Variants in FAM78A observed in about 807,000 individuals in gnomAD.
FAM78A encodes protein FAM78A.
In FAM78A, 12 loss-of-function variants were observed where a neutral mutation model predicts 22.6. That is an observed-to-expected ratio of 0.53 (90% CI 0.34 to 0.86). FAM78A has a LOEUF of 0.86. Ranked by LOEUF, FAM78A falls within the 40% of genes least tolerant of loss-of-function variation. FAM78A has a pLI of 0.02. For synonymous variants in FAM78A, 151 were observed against 155.8 expected, an observed-to-expected ratio of 0.97 and a Z score of 0.23; for missense variants, 322 against 396.1, an observed-to-expected ratio of 0.81 and a Z score of 1.59.
chr9:131,273,419 G>A lies in FAM78A; in HGVS notation c.323+2438C>T, dbSNP rs143035574. ...ATTGCACAGCCAGTGCACCCAGGGA[G>A]AATGAGCTGGGTGGGACACAGAGGC... On this transcript the variant is annotated intron_variant, in intron 1 of 1. Transcript: ENST00000372271. Among the ~76,000 whole-genome samples, 669 of 152,376 alleles carry A rather than the reference G, an allele frequency of 4.4e-3. 8 individuals are homozygous for A. Among genetic ancestry groups the A allele is most frequent in the African/African-American group, 0.015 (623 of 41,588 alleles).
chr9:131,260,870 C>A lies in FAM78A; in HGVS notation c.804G>T (p.Arg268=). Residue 268 remains arginine, a synonymous_variant, in exon 2 of 2, where the codon CGG becomes CGT. Coordinates refer to ENST00000372271, the MANE Select transcript of FAM78A (RefSeq NM_033387.4). The surrounding 1 kb of genome is among the most constrained non-coding windows in gnomAD (Gnocchi z 5.4). Reference sequence around the variant, plus strand: ...CCACCAGCGGCTGCCCGTACTTGGGCCGCCACATGAGGACCTGGGCATCGT... The same window carrying A: ...CCACCAGCGGCTGCCCGTACTTGGGACGCCACATGAGGACCTGGGCATCGT... ...NANDAQVLMW[R]PKYGQPLVVI... The A allele has an allele frequency of 6.5e-7, 1 of 1,531,908 alleles. No individual in the cohort carries two copies. The allele number at this position is 1,531,908 out of a possible 1,614,324, so 94.9% of individuals were successfully genotyped here. A position where few individuals can be genotyped will look rare whatever the true frequency, so the allele number is the denominator to read the frequency against.
At chr9:131,268,221 GA>G (rs1380506779) in intron 1 of FAM78A, among the ~76,000 whole-genome samples, 1 of 152,168 alleles carries the variant, frequency 6.6e-6, no homozygotes, top group Non-Finnish European at 1.5e-5. Flanking sequence ...AAAATTTGCA[GA>G]AAGTACTCAT....
rs1835268716 is a variant in FAM78A, at chr9:131,261,467, C to T, written c.324-117G>A. 4 of 975,338 alleles carry T rather than the reference C, an allele frequency of 4.1e-6. No individual in the cohort carries two copies. The South Asian group carries it at 5.3e-5, about 13-fold the overall frequency. 60.4% of individuals were successfully genotyped at this position (975,338 alleles called of 1,614,324 possible). On this transcript the variant is annotated intron_variant, in intron 1 of 1. Coordinates refer to ENST00000372271, the MANE Select transcript of FAM78A (RefSeq NM_033387.4). The surrounding 1 kb of genome is among the most constrained non-coding windows in gnomAD (Gnocchi z 7.1). Reference sequence around the variant, plus strand: ...AGGATGGAACGGACCCAGCAGACCACCCGGTCCCCTTTGACGTTCTGGGGG... The same window carrying T: ...AGGATGGAACGGACCCAGCAGACCATCCGGTCCCCTTTGACGTTCTGGGGG...
At chr9:131,264,600 C>A (rs1379294914) in intron 1 of FAM78A, 1 of 717,360 alleles carries the variant, frequency 1.4e-6, no homozygotes, top group Admixed American at 2.0e-5. Flanking sequence ...GTGCAGCCAA[C>A]AGCAGTCAGT....
chr9:131,275,323 G>A lies in FAM78A; in HGVS notation c.323+534C>T, dbSNP rs1835468635. Among the ~76,000 whole-genome samples, 1 of 152,246 alleles carries A rather than the reference G, an allele frequency of 6.6e-6. No homozygotes were observed. The highest frequency in any genetic ancestry group is 1.5e-5 in the Non-Finnish European group (1 of 68,044). Reference sequence around the variant, plus strand: ...TAACTGTGCTCTCAAACACAGTGCCGTTTGGAACGGGGAAGCACTCCCCCA... The same window carrying A: ...TAACTGTGCTCTCAAACACAGTGCCATTTGGAACGGGGAAGCACTCCCCCA... On this transcript the variant is annotated intron_variant, in intron 1 of 1. Coordinates refer to ENST00000372271, the MANE Select transcript of FAM78A (RefSeq NM_033387.4). The surrounding 1 kb of genome is among the most constrained non-coding windows in gnomAD (Gnocchi z 4.6).
At chr9:131,270,487 T>C in intron 1 of FAM78A, 1 of 716,604 alleles carries the variant, frequency 1.4e-6, no homozygotes, top group East Asian at 2.7e-5. Context: ...TTTCCAGTGC[T>C]TGGAAGGTGG....
rs906835175 is a variant in FAM78A at position 131,275,117 on chromosome 9, C to T, written c.323+740G>A. On this transcript the variant is annotated intron_variant, in intron 1 of 1. Transcript: ENST00000372271. The surrounding 1 kb of genome is among the most constrained non-coding windows in gnomAD (Gnocchi z 4.6). The stretch of plus-strand genomic sequence containing the variant: ...AGCCCCAGGGTCCCAGGGTCCTCAC[C>T]GGGACCCCCAATACCCTAGGCACAC... Among the ~76,000 whole-genome samples the T allele has an allele frequency of 6.6e-6, 1 of 152,160 alleles. No individual in the cohort carries two copies. The highest frequency in any genetic ancestry group is 2.4e-5 in the African/African-American group (1 of 41,440).
At chr9:131,280,452 A>G (rs1835530903), upstream of FAM78A, among the ~76,000 whole-genome samples, 1 of 152,146 alleles carries the variant, frequency 6.6e-6, no homozygotes, top group African/African-American at 2.4e-5. Context: ...CATCTGTTTG[A>G]GTCATTGCCC....
At chr9:131,279,466 C>G (rs920661601), upstream of FAM78A, among the ~76,000 whole-genome samples, 2 of 152,148 alleles carry the variant, frequency 1.3e-5, no homozygotes, top group African/African-American at 2.4e-5. Context: ...TTTCATTTCC[C>G]GACTCTCATC....
rs1835464526 is a variant in FAM78A at position 131,274,919 on chromosome 9, C to T, written c.323+938G>A. Among the ~76,000 whole-genome samples, 1 of 152,228 alleles carries T rather than the reference C, an allele frequency of 6.6e-6. No individual in the cohort carries two copies. The highest frequency in any genetic ancestry group is 1.5e-5 in the Non-Finnish European group (1 of 68,034). Reference sequence around the variant, plus strand: ...GGGGCCGCATGGGTGGGCTGCCCGCCGGGGCCTGCCTAGCTCTCTCCAAAG... The same window carrying T: ...GGGGCCGCATGGGTGGGCTGCCCGCTGGGGCCTGCCTAGCTCTCTCCAAAG... On this transcript the variant is annotated intron_variant, in intron 1 of 1. Transcript: ENST00000372271. The surrounding 1 kb of genome is among the most constrained non-coding windows in gnomAD (Gnocchi z 4.2).
In FAM78A at chr9:131,276,302, G is replaced by A; in HGVS notation, c.-123C>T. The A allele has an allele frequency of 1.4e-6, 1 of 735,536 alleles. No individual in the cohort carries two copies. Among genetic ancestry groups the A allele is most frequent in the South Asian group, 2.1e-5 (1 of 48,626 alleles). The allele number at this position is 735,536 out of a possible 1,614,324, so 45.6% of individuals were successfully genotyped here. A position where few individuals can be genotyped will look rare whatever the true frequency, so the allele number is the denominator to read the frequency against. ...GACTGGGGTTGCATATATCACTACCGCGGCCTGTTTATAAATAAGGATTCT... is the reference window on the plus strand; with the variant it reads ...GACTGGGGTTGCATATATCACTACCACGGCCTGTTTATAAATAAGGATTCT... On this transcript the variant is annotated 5_prime_UTR_variant, in exon 1 of 2. Coordinates refer to ENST00000372271, the MANE Select transcript of FAM78A (RefSeq NM_033387.4). This position sits in a 1 kb window ranked among gnomAD's most constrained non-coding sequence, Gnocchi z 4.3.
Position 131,265,120 on chromosome 9 carries a change from T to C in FAM78A, c.324-3770A>G, listed in dbSNP as rs1276059428. Among the ~76,000 whole-genome samples, 1 of 152,254 alleles carries C rather than the reference T, an allele frequency of 6.6e-6. No individual in the cohort carries two copies. The highest frequency in any genetic ancestry group is 6.5e-5 in the Admixed American group (1 of 15,280). On this transcript the variant is annotated intron_variant, in intron 1 of 1. Coordinates refer to ENST00000372271, the MANE Select transcript of FAM78A (RefSeq NM_033387.4). This position sits in a 1 kb window ranked among gnomAD's most constrained non-coding sequence, Gnocchi z 4.3. ...ACCATTCTTTTGATTACAGATTTTA[T>C]TGGTATTTTTCTTCTGTTTCTTCTT...
rs1835239280 is a variant in FAM78A, at chr9:131,259,875, G to C, written c.*947C>G. On this transcript the variant is annotated 3_prime_UTR_variant, in exon 2 of 2. Transcript: ENST00000372271. Reference sequence around the variant, plus strand: ...AGGGACTCAACTGGGGGTGGGTCCTGAGGACTGAGAGGGTGAAAATTCCCT... The same window carrying C: ...AGGGACTCAACTGGGGGTGGGTCCTCAGGACTGAGAGGGTGAAAATTCCCT... 1 of 152,740 alleles carries C rather than the reference G, an allele frequency of 6.5e-6. No individual in the cohort carries two copies. 9.5% of individuals were successfully genotyped at this position (152,740 alleles called of 1,614,324 possible).
chr9:131,263,030 A>G (rs1319910314), intron 1 of FAM78A, among the ~76,000 whole-genome samples: 1 of 152,172 alleles, frequency 6.6e-6, no homozygotes, highest in Admixed American at 6.5e-5. Flanking sequence ...ACCTGAGGTC[A>G]GGAGTTCCAG....
intron 1 of FAM78A, chr9:131,270,567 C>A (rs910559105): frequency 4.5e-5 from 32 of 712,724 alleles, no homozygotes; most frequent in African/African-American, 3.3e-4. Flanking sequence ...GGTCATCCCC[C>A]CTACTTCCTC....
upstream of FAM78A, among the ~76,000 whole-genome samples, chr9:131,277,013 G>A (rs1588201900): frequency 6.7e-6 from 1 of 149,944 alleles, no homozygotes; most frequent in East Asian, 1.9e-4. The surrounding 1 kb of genome is among the most constrained non-coding windows in gnomAD (Gnocchi z 8.4). Context: ...GCTGCGGGGG[G>A]CGCGCGGGGG....
rs895713821 is a variant in FAM78A, at chr9:131,274,930, T to C, written c.323+927A>G. Among the ~76,000 whole-genome samples the C allele has an allele frequency of 6.6e-6, 1 of 152,210 alleles. No individual in the cohort carries two copies. The highest frequency in any genetic ancestry group is 1.5e-5 in the Non-Finnish European group (1 of 68,024). On this transcript the variant is annotated intron_variant, in intron 1 of 1. Coordinates refer to ENST00000372271, the MANE Select transcript of FAM78A (RefSeq NM_033387.4). The surrounding 1 kb of genome is among the most constrained non-coding windows in gnomAD (Gnocchi z 4.2). ...GGTGGGCTGCCCGCCGGGGCCTGCC[T>C]AGCTCTCTCCAAAGGGTCCTTACGC...
upstream of FAM78A, among the ~76,000 whole-genome samples, chr9:131,280,289 C>T (rs568750411): frequency 1.6e-4 from 25 of 151,980 alleles, no homozygotes; most frequent in Non-Finnish European, 2.6e-4. Context: ...CCGGCCCTGC[C>T]GCTTCCCTAC....
chr9:131,258,666 C>T lies in FAM78A; in HGVS notation c.*2156G>A, dbSNP rs1036888774. Reference sequence around the variant, plus strand: ...GGCCTGAGACCCGCTTCCTGAACCCCCAGGGTCCTGTCCCTGCTTTAGTGC... The same window carrying T: ...GGCCTGAGACCCGCTTCCTGAACCCTCAGGGTCCTGTCCCTGCTTTAGTGC... On this transcript the variant is annotated 3_prime_UTR_variant, in exon 2 of 2. Transcript: ENST00000372271. The T allele has an allele frequency of 6.6e-6, 1 of 152,282 alleles. No individual in the cohort carries two copies. The highest frequency in any genetic ancestry group is 2.4e-5 in the African/African-American group (1 of 41,444). 9.4% of individuals were successfully genotyped at this position (152,282 alleles called of 1,614,324 possible).
Sources: allele counts gnomAD v4.1 joint callset (sites outside exome capture counted in the v4.1 genomes callset), GRCh38; gene constraint gnomAD v4.1.1; non-coding constraint Gnocchi (gnomAD v3.1); transcripts MANE v1.5; gene names NCBI Gene and HGNC (gene_info 2026-07-23, HGNC 2026-07-21).